Variants in ZNF490 observed in about 807,000 individuals in gnomAD.
ZNF490 encodes the protein zinc finger protein 490.
In ZNF490, 11 loss-of-function variants were observed where a neutral mutation model predicts 17.7. The observed-to-expected ratio is 0.62, with a 90% CI of 0.39 to 1.03. The LOEUF (loss-of-function observed/expected upper bound fraction) is 1.03. Ranked by LOEUF, ZNF490 falls within the 50% of genes least tolerant of loss-of-function variation. The probability of loss-of-function intolerance (pLI) is 0.00; values close to 1 mark genes in which losing one functional copy is unlikely to be tolerated. For synonymous variants in ZNF490, 222 were observed against 216.1 expected (o/e 1.03, Z -0.24); for missense variants, 542 against 643.4 (o/e 0.84, Z 1.71).
intron 2 of ZNF490, among the ~76,000 whole-genome samples, chr19:12,599,729 A>G (rs1364156142): frequency 6.6e-6 from 1 of 152,192 alleles, no homozygotes; most frequent in African/African-American, 2.4e-5. Context: ...CTTTTGGTAA[A>G]AAGATTATAA....
chr19:12,599,969 CA>C (rs1246580270), intron 2 of ZNF490, among the ~76,000 whole-genome samples: 1 of 152,026 alleles, frequency 6.6e-6, no homozygotes, highest in Non-Finnish European at 1.5e-5. Context: ...TGCTCTTTAA[CA>C]AAAATTGTAA....
chr19:12,600,198 T>TA (rs953785241), intron 2 of ZNF490, among the ~76,000 whole-genome samples: 43 of 146,138 alleles, frequency 2.9e-4, no homozygotes, highest in Middle Eastern at 3.5e-3. Flanking sequence ...CCGTCTCTAC[T>TA]AAAAAAAAAA....
At chr19:12,603,780 C>T (rs1217457605) in intron 2 of ZNF490, among the ~76,000 whole-genome samples, 1 of 125,452 alleles carries the variant, frequency 8.0e-6, no homozygotes, top group East Asian at 2.0e-4. Context: ...GTGAAGGAGA[C>T]CCTATCTCAA....
intron 2 of ZNF490, among the ~76,000 whole-genome samples, chr19:12,601,851 G>A (rs1167977275): frequency 4.6e-5 from 7 of 151,398 alleles, no homozygotes; most frequent in South Asian, 2.1e-4. Context: ...AAAATTAGCC[G>A]GGCTTGGTGG....
chr19:12,591,153 C>A (rs2022865371), intron 2 of ZNF490, among the ~76,000 whole-genome samples: 1 of 150,364 alleles, frequency 6.7e-6, no homozygotes, highest in African/African-American at 2.5e-5. Context: ...CTTTGGGAGG[C>A]CGAGGTGGGC....
Position 12,587,021 on chromosome 19 carries a change from G to A in ZNF490, c.163-3465C>T, listed in dbSNP as rs1242048255. On this transcript the variant is annotated intron_variant, in intron 2 of 4. Transcript: ENST00000311437. ...AGAGGTTGCAGTGAGGCGAGATCGC[G>A]CCATGGCTCTCCAGCCTGGGCAACA... 3.6e-4 allele frequency among the ~76,000 whole-genome samples: 31 copies of A among 85,238 alleles called. 8 individuals carry two copies. Among genetic ancestry groups the A allele is most frequent in the East Asian group, 2.6e-3 (12 of 4,690 alleles). The allele number at this position is 85,238 out of a possible 152,430, so 55.9% of individuals were successfully genotyped here. A position where few individuals can be genotyped will look rare whatever the true frequency, so the allele number is the denominator to read the frequency against.
rs144564838 is a variant in ZNF490 at position 12,580,758 on chromosome 19, G to A, written c.1317C>T (p.Thr439=). 6.2e-7 allele frequency: 1 copy of A among 1,613,986 alleles called. No homozygotes were observed. Among genetic ancestry groups the A allele is most frequent in the South Asian group, 1.1e-5 (1 of 91,070 alleles). ...YSTHFRIHER[T]HTREKPYECK... is the part of the protein sequence containing the mutation. ...ATTCATAGGGTTTCTCTCTAGTATG[G>A]GTTCTTTCATGGATTCGAAAGTGAG... Residue 439 remains threonine, a synonymous_variant, in exon 5 of 5, where the codon ACC becomes ACT. Transcript: ENST00000311437.
At chr19:12,599,139 CAAAAAAAAAAAA>C (rs55911311) in intron 2 of ZNF490, among the ~76,000 whole-genome samples, 2 of 68,632 alleles carry the variant, frequency 2.9e-5, no homozygotes, top group Non-Finnish European at 2.4e-5. Flanking sequence ...GACTCTGTCT[CAAAAAAAAAAAA>C]AAAAAAAAAA....
Position 12,581,601 on chromosome 19 carries a change from GC to G in ZNF490, c.473del (p.Cys158SerfsTer18). On this transcript the variant is annotated frameshift_variant, in exon 5 of 5. Coordinates refer to ENST00000311437, the MANE Select transcript of ZNF490 (RefSeq NM_020714.3). LOFTEE classifies it low-confidence loss of function (END_TRUNC). ...ETPTGLKPCD[C>X]SVCGEVFMHQ... is the part of the protein sequence containing the mutation. ...GCATGAAGACTTCCCCACACACACT[GC>G]AGTCACATGGTTTTAATCCAGTAGG... is the stretch of plus-strand genomic sequence containing the variant. The G allele has an allele frequency of 6.2e-7, 1 of 1,614,128 alleles. No individual in the cohort carries two copies. The highest frequency in any genetic ancestry group is 8.5e-7 in the Non-Finnish European group (1 of 1,180,024).
At chr19:12,592,791 G>A (rs1458197595) in intron 2 of ZNF490, among the ~76,000 whole-genome samples, 2 of 152,218 alleles carry the variant, frequency 1.3e-5, no homozygotes, top group Non-Finnish European at 2.9e-5. Context: ...GATAAACTAT[G>A]TGGAGGCAGA....
Position 12,580,775 on chromosome 19 carries a change from G to A in ZNF490, c.1300C>T (p.Arg434Ter), listed in dbSNP as rs1308333348. The A allele has an allele frequency of 3.7e-6, 6 of 1,614,106 alleles. No individual in the cohort carries two copies. The highest frequency in any genetic ancestry group is 4.2e-6 in the Non-Finnish European group (5 of 1,180,024). The part of the protein sequence containing the change: ...GKAFLYSTHF[R>*]IHERTHTREK... The stretch of plus-strand genomic sequence containing the variant: ...CTAGTATGGGTTCTTTCATGGATTC[G>A]AAAGTGAGTGGAATAAAGAAAGGCT... The change falls in exon 5 of 5, where the codon CGA becomes TGA. Residue 434 changes from arginine (R) to a stop codon, truncating the protein, a stop_gained. Transcript: ENST00000311437. LOFTEE classifies it low-confidence loss of function (END_TRUNC).
rs1463319592 is a variant in ZNF490, at chr19:12,581,314, T to C, written c.761A>G (p.Glu254Gly). 6.2e-7 allele frequency: 1 copy of C among 1,614,186 alleles called. No individual in the cohort carries two copies. The highest frequency in any genetic ancestry group is 1.7e-5 in the Admixed American group (1 of 60,014). ...GAGATATCTGAATGCCTTCCCACAT[T>C]CCTTACATTCATAGGGTGTCTCTCC... is the stretch of plus-strand genomic sequence containing the variant. ...HTGETPYECK[E>G]CGKAFRYLTA... Residue 254 changes from glutamate (E) to glycine (G), a missense_variant, in exon 5 of 5, where the codon GAA (glutamate) becomes GGA (glycine). Physicochemically the swap from Glu to Gly is moderately conservative, Grantham distance 98 (BLOSUM62 -2). Coordinates refer to ENST00000311437, the MANE Select transcript of ZNF490 (RefSeq NM_020714.3).
In ZNF490 at chr19:12,581,542, T is replaced by C. The variant is rs367597341; in HGVS notation, c.533A>G (p.His178Arg). Residue 178 changes from histidine (H) to arginine (R), a missense_variant, in exon 5 of 5, where the codon CAC (histidine) becomes CGC (arginine). His to Arg is a conservative substitution (Grantham distance 29). Transcript: ENST00000311437. ...QVSLNRHMRS[H>R]TEQKPNECHE... ...ACACTCATTTGGTTTCTGTTCAGTGTGAGATCTCATGTGCCTATTAAGGGA... is the reference window on the plus strand; with the variant it reads ...ACACTCATTTGGTTTCTGTTCAGTGCGAGATCTCATGTGCCTATTAAGGGA... 6.2e-7 allele frequency: 1 copy of C among 1,614,068 alleles called. No individual in the cohort carries two copies. Among genetic ancestry groups the C allele is most frequent in the African/African-American group, 1.3e-5 (1 of 74,938 alleles).
chr19:12,596,748 C>T (rs2022938458), intron 2 of ZNF490, among the ~76,000 whole-genome samples: 1 of 152,092 alleles, frequency 6.6e-6, no homozygotes. Flanking sequence ...ATCTGAGCAG[C>T]CACAGGAACG....
Position 12,610,558 on chromosome 19 carries a change from T to A in ZNF490, c.117+6A>T. 1.9e-6 allele frequency: 3 copies of A among 1,611,680 alleles called. No individual in the cohort carries two copies. Among genetic ancestry groups the A allele is most frequent in the Non-Finnish European group, 2.5e-6 (3 of 1,177,946 alleles). ...GCCTTACAACATTATGCCAAGCCCCTGGTACCTGGAGGACATCAGACCCTC... is the reference window on the plus strand; with the variant it reads ...GCCTTACAACATTATGCCAAGCCCCAGGTACCTGGAGGACATCAGACCCTC... On this transcript the variant is annotated splice_donor_region_variant and intron_variant, in intron 1 of 4. Transcript: ENST00000311437.
At chr19:12,608,547 T>C (rs879407977) in intron 2 of ZNF490, among the ~76,000 whole-genome samples, 6 of 152,030 alleles carry the variant, frequency 3.9e-5, no homozygotes, top group Non-Finnish European at 7.4e-5. Context: ...CTCAGCTCAC[T>C]GCAACCTCCT....
intron 2 of ZNF490, among the ~76,000 whole-genome samples, chr19:12,592,066 G>A (rs187237951): frequency 2.0e-5 from 3 of 152,142 alleles, no homozygotes; most frequent in African/African-American, 2.4e-5. Flanking sequence ...AGCTGGGCGC[G>A]GTGGCTCACG....
At chr19:12,601,148 G>A (rs966179183) in intron 2 of ZNF490, among the ~76,000 whole-genome samples, 3 of 151,932 alleles carry the variant, frequency 2.0e-5, no homozygotes, top group East Asian at 1.9e-4. Flanking sequence ...CAGCACTTTC[G>A]GAGGCCAAGG....
intron 2 of ZNF490, among the ~76,000 whole-genome samples, chr19:12,601,394 A>C (rs575991409): frequency 4.6e-5 from 7 of 151,830 alleles, no homozygotes; most frequent in South Asian, 2.1e-4. Flanking sequence ...TCTGAAAAAA[A>C]AAAAACAAAA....
Sources: allele counts gnomAD v4.1 joint callset (sites outside exome capture counted in the v4.1 genomes callset), GRCh38; gene constraint gnomAD v4.1.1; transcripts MANE v1.5; gene names NCBI Gene and HGNC (gene_info 2026-07-23, HGNC 2026-07-21).